The following ANK3 variants were observed in gnomAD, a reference collection of about 807,000 sequenced individuals.
ANK3 encodes ankyrin-3.
A neutral mutation model predicts 370.9 loss-of-function variants in ANK3; 57 were observed. That is an observed-to-expected ratio of 0.15 (90% CI 0.12 to 0.19). The LOEUF (loss-of-function observed/expected upper bound fraction) is 0.19, where lower values mean the gene tolerates loss of function less well. ANK3 is among the 10% of genes least tolerant of loss of function. The probability of loss-of-function intolerance (pLI) is 1.00; values close to 1 mark genes in which losing one functional copy is unlikely to be tolerated. For missense variants in ANK3, 4,439 were observed against 5,302.1 expected (o/e 0.84, Z 5.06); for synonymous variants, 1,929 against 1,946.3 (o/e 0.99, Z 0.23).
chr10:60,634,573 T>A (rs781306539), intron 1 of ANK3, among the ~76,000 whole-genome samples: 1 of 152,002 alleles, frequency 6.6e-6, no homozygotes, highest in Admixed American at 6.6e-5. Context: ...ATCAGGAGGA[T>A]GTGTGTGGGG....
At chr10:60,689,348 G>C (rs1222238696) in intron 1 of ANK3, among the ~76,000 whole-genome samples, 1 of 152,134 alleles carries the variant, frequency 6.6e-6, no homozygotes, top group Non-Finnish European at 1.5e-5. Flanking sequence ...GCAGTGAGCT[G>C]TGGCCATGCC....
At chr10:60,360,030 T>C (rs117687264) in intron 1 of ANK3, among the ~76,000 whole-genome samples, 2 of 152,200 alleles carry the variant, frequency 1.3e-5, no homozygotes, top group African/African-American at 4.8e-5. Context: ...AAATAGTACA[T>C]TAACTGATTC....
intron 12 of ANK3, 59 bp downstream of exon 12, chr10:60,202,943 C>A: frequency 8.1e-7 from 1 of 1,237,866 alleles, no homozygotes; most frequent in Non-Finnish European, 1.1e-6. Flanking sequence ...AGATAAAAAC[C>A]ACCTTTGCCA....
At chr10:60,666,389 C>A (rs2078996352) in intron 1 of ANK3, among the ~76,000 whole-genome samples, 1 of 151,810 alleles carries the variant, frequency 6.6e-6, no homozygotes, top group Admixed American at 6.6e-5. Context: ...TTGCCAGGGG[C>A]TGGGAGGGGA....
intron 1 of ANK3, among the ~76,000 whole-genome samples, chr10:60,299,566 A>G (rs527659384): frequency 2.6e-5 from 4 of 152,214 alleles, no homozygotes; most frequent in Admixed American, 6.5e-5. Context: ...GAAAGGATAT[A>G]GGTAGAAACA....
intron 1 of ANK3, among the ~76,000 whole-genome samples, chr10:60,621,574 T>C (rs2078338517): frequency 6.6e-6 from 1 of 152,162 alleles, no homozygotes; most frequent in Non-Finnish European, 1.5e-5. Flanking sequence ...AGGAGCATAA[T>C]ATCAACCAAT....
At chr10:60,673,911 C>T (rs151244364) in intron 1 of ANK3, among the ~76,000 whole-genome samples, 93 of 152,212 alleles carry the variant, frequency 6.1e-4, no homozygotes, top group African/African-American at 2.1e-3. Flanking sequence ...TGGCATAAGA[C>T]GCACTACATA....
At chr10:60,085,995 C>T (rs756820197) in intron 30 of ANK3, among the ~76,000 whole-genome samples, 131 of 152,098 alleles carry the variant, frequency 8.6e-4, no homozygotes, top group Non-Finnish European at 1.5e-3. Flanking sequence ...AATTAATTAC[C>T]GAGGGTAAAA....
chr10:60,515,666 A>C (rs940716704), intron 2 of ANK3, among the ~76,000 whole-genome samples: 1 of 152,138 alleles, frequency 6.6e-6, no homozygotes, highest in Non-Finnish European at 1.5e-5. Context: ...ACCAAGTTCC[A>C]TCCTTGCTCG....
intron 2 of ANK3, among the ~76,000 whole-genome samples, chr10:60,398,715 G>C (rs2063293735): frequency 6.6e-6 from 1 of 152,064 alleles, no homozygotes; most frequent in African/African-American, 2.4e-5. Context: ...CATTATTTAA[G>C]ACACCCAAAC....
chr10:60,418,704 TACTTAC>T, intron 2 of ANK3, among the ~76,000 whole-genome samples: 1 of 151,660 alleles, frequency 6.6e-6, no homozygotes, highest in East Asian at 1.9e-4. Context: ...GCATGGGACA[TACTTAC>T]GCTAGAAAAA....
At chr10:60,560,778 T>C (rs2077318098) in intron 2 of ANK3, among the ~76,000 whole-genome samples, 1 of 152,342 alleles carries the variant, frequency 6.6e-6, no homozygotes, top group Admixed American at 6.5e-5. Flanking sequence ...CAGTTGCTTT[T>C]GTTTTTAAAA....
chr10:60,388,503 T>A (rs2062734043), intron 1 of ANK3, among the ~76,000 whole-genome samples: 2 of 152,212 alleles, frequency 1.3e-5, no homozygotes, highest in Admixed American at 6.5e-5. Context: ...CCTTTCCTAT[T>A]CAGATCACAG....
At chr10:60,598,518 G>A (rs1399203894) in intron 2 of ANK3, among the ~76,000 whole-genome samples, 5 of 152,144 alleles carry the variant, frequency 3.3e-5, no homozygotes, top group Non-Finnish European at 7.4e-5. Flanking sequence ...GTAAAGCAAA[G>A]CAAGTGTATA....
chr10:60,082,025 C>T (rs1384254779), intron 35 of ANK3, 125 bp downstream of exon 35: 5 of 646,760 alleles, frequency 7.7e-6, no homozygotes, highest in Non-Finnish European at 1.0e-5. Context: ...TACCCTTTTA[C>T]CTACTTAAGA....
At chr10:60,185,120 T>C (rs1217183149) in intron 17 of ANK3, among the ~76,000 whole-genome samples, 2 of 152,084 alleles carry the variant, frequency 1.3e-5, no homozygotes, top group African/African-American at 2.4e-5. Context: ...AGACATGCAC[T>C]CCTAAAAGGA....
chr10:60,406,691 T>C (rs72806159), intron 2 of ANK3, among the ~76,000 whole-genome samples: 1 of 152,134 alleles, frequency 6.6e-6, no homozygotes, highest in Admixed American at 6.5e-5. Context: ...GGTTTTCTCA[T>C]TAAAGATTAT....
chr10:60,283,690 A>T lies in ANK3; in HGVS notation c.115-4051T>A, dbSNP rs576023784. The stretch of plus-strand genomic sequence containing the variant: ...AATAGCTTCACGGATAGAGTCAAGC[A>T]TTATTATGAATTAATCTAGTAACTC... On this transcript the variant is annotated intron_variant, in intron 1 of 43. Transcript: ENST00000280772. Among the ~76,000 whole-genome samples, 3 of 152,276 alleles carry T rather than the reference A, an allele frequency of 2.0e-5. No individual in the cohort carries two copies. The East Asian group carries it at 5.8e-4, about 29-fold the overall frequency.
chr10:60,483,681 A>G (rs1432144923), intron 2 of ANK3, among the ~76,000 whole-genome samples: 1 of 152,086 alleles, frequency 6.6e-6, no homozygotes, highest in Non-Finnish European at 1.5e-5. Flanking sequence ...TTTTAATGAC[A>G]ATGATTTCGA....
Sources: allele counts gnomAD v4.1 joint callset (sites outside exome capture counted in the v4.1 genomes callset), GRCh38; gene constraint gnomAD v4.1.1; transcripts MANE v1.5; gene names NCBI Gene and HGNC (gene_info 2026-07-23, HGNC 2026-07-21).